Variants in ERC1 observed in about 807,000 individuals in gnomAD.
ERC1 encodes the protein RAB6 interacting protein 2.
Under a neutral mutation model 132.0 loss-of-function variants are expected in ERC1, and 56 were observed. The observed-to-expected ratio is 0.42, with a 90% confidence interval of 0.34 to 0.53. The LOEUF (loss-of-function observed/expected upper bound fraction) is 0.53, where lower values mean the gene tolerates loss of function less well. ERC1 is among the 20% of genes least tolerant of loss of function. ERC1 has a pLI of 0.03. For missense variants in ERC1, 1,202 were observed against 1,349.9 expected (o/e 0.89, Z 1.72); for synonymous variants, 478 against 476.1 (o/e 1.00, Z -0.05).
At chr12:1,261,118 C>T (rs74059716) in intron 13 of ERC1, among the ~76,000 whole-genome samples, 3,292 of 152,216 alleles carry the variant, frequency 0.022, 119 homozygotes, top group African/African-American at 0.075. Flanking sequence ...TTTATTGATA[C>T]AGCCACAAAG....
At chr12:1,082,022 T>C (rs999248805) in intron 2 of ERC1, among the ~76,000 whole-genome samples, 7 of 105,554 alleles carry the variant, frequency 6.6e-5, no homozygotes, top group African/African-American at 1.9e-4. Flanking sequence ...TGTCCTTCGG[T>C]TTTGCTTGTT....
intron 2 of ERC1, among the ~76,000 whole-genome samples, chr12:1,072,472 TGAG>T (rs34427758): frequency 0.23 from 34,477 of 148,698 alleles, 4,305 homozygotes; most frequent in Middle Eastern, 0.28. Context: ...TTAATTTTCT[TGAG>T]GAGCTCTTTT....
At chr12:1,195,296 C>T (rs1274968480) in intron 12 of ERC1, among the ~76,000 whole-genome samples, 2 of 152,202 alleles carry the variant, frequency 1.3e-5, no homozygotes, top group East Asian at 3.8e-4. Flanking sequence ...CCAGCCTCTG[C>T]AGATCTGAGA....
At position 1,122,483 on chromosome 12, in the gene ERC1, C is replaced by CTCTA. The variant is rs58095808; in HGVS notation, c.1569+6454_1569+6457dup. Among the ~76,000 whole-genome samples the CTCTA allele has an allele frequency of 1.4e-3, 30 of 20,744 alleles. 4 individuals are homozygous for CTCTA. In the East Asian group the frequency reaches 0.016, roughly 11 times the overall value. 13.6% of individuals were successfully genotyped at this position (20,744 alleles called of 152,430 possible). A position where few individuals can be genotyped will look rare whatever the true frequency, so the allele number is the denominator to read the frequency against. Reference sequence around the variant, plus strand: ...TCTCTATCTCTATCTGTGTCTCTATCTCTATCTCTATCTCTATCTCTATCT... The same window carrying CTCTA: ...TCTCTATCTCTATCTGTGTCTCTATCTCTATCTATCTCTATCTCTATCTCTATCT... On this transcript the variant is annotated intron_variant, in intron 7 of 18. Transcript: ENST00000360905.
chr12:1,442,847 T>G (rs1414612789), intron 17 of ERC1, among the ~76,000 whole-genome samples: 1 of 152,246 alleles, frequency 6.6e-6, no homozygotes, highest in Non-Finnish European at 1.5e-5. Context: ...CTGATTTATA[T>G]AAATTTATTA....
Position 1,453,979 on chromosome 12 carries a change from G to A in ERC1, c.3213+9229G>A, listed in dbSNP as rs558586303. ...AATGCTAATAGATGACTGGTGGCTG[G>A]GAGCTCTGGATGGAGACTGGTTACC... On this transcript the variant is annotated intron_variant, in intron 18 of 18. Coordinates refer to ENST00000360905, the MANE Select transcript of ERC1 (RefSeq NM_178040.4). Among the ~76,000 whole-genome samples the A allele has an allele frequency of 6.6e-5, 10 of 152,022 alleles. No homozygotes were observed. The South Asian group carries it at 2.1e-3, about 32-fold the overall frequency.
intron 16 of ERC1, among the ~76,000 whole-genome samples, chr12:1,377,162 AT>A (rs1403838123): frequency 7.9e-5 from 12 of 152,232 alleles, no homozygotes; most frequent in African/African-American, 2.2e-4. Flanking sequence ...TAGGTGTGGT[AT>A]GAAAAAATAC....
At chr12:1,161,651 G>C (rs544090164) in intron 8 of ERC1, among the ~76,000 whole-genome samples, 1 of 152,248 alleles carries the variant, frequency 6.6e-6, no homozygotes, top group South Asian at 2.1e-4. Context: ...AAAAACTGTA[G>C]AAATTTATCT....
At chr12:1,486,763 C>T (rs928241349) in intron 18 of ERC1, among the ~76,000 whole-genome samples, 2 of 152,076 alleles carry the variant, frequency 1.3e-5, no homozygotes, top group East Asian at 1.9e-4. Flanking sequence ...TTTTAAATTG[C>T]GGAAAACTCC....
intron 7 of ERC1, among the ~76,000 whole-genome samples, chr12:1,125,613 C>G (rs1948075026): frequency 6.6e-6 from 1 of 151,922 alleles, no homozygotes; most frequent in African/African-American, 2.4e-5. Flanking sequence ...GTCAGGAGTT[C>G]AAGACCAGCC....
intron 2 of ERC1, among the ~76,000 whole-genome samples, chr12:1,065,465 A>G (rs1938939433): frequency 1.0e-5 from 1 of 100,036 alleles, no homozygotes; most frequent in African/African-American, 3.9e-5. Context: ...TTGTTTTCCT[A>G]TTTCTTTGTA....
intron 13 of ERC1, among the ~76,000 whole-genome samples, chr12:1,261,379 C>T (rs1324721877): frequency 6.6e-6 from 1 of 152,186 alleles, no homozygotes; most frequent in South Asian, 2.1e-4. Context: ...CTTCTTTATA[C>T]TTACAGCAAT....
At chr12:1,094,742 C>T (rs1400067622) in intron 3 of ERC1, among the ~76,000 whole-genome samples, 1 of 152,080 alleles carries the variant, frequency 6.6e-6, no homozygotes, top group Non-Finnish European at 1.5e-5. Flanking sequence ...ATCATTTGTC[C>T]TTCATTTCCA....
At chr12:1,175,217 G>T (rs947086519) in intron 8 of ERC1, among the ~76,000 whole-genome samples, 4 of 152,112 alleles carry the variant, frequency 2.6e-5, no homozygotes, top group Non-Finnish European at 2.9e-5. Flanking sequence ...GGTGGCTGTG[G>T]CAGTTTCTTA....
intron 14 of ERC1, among the ~76,000 whole-genome samples, chr12:1,279,697 A>T (rs1447207145): frequency 1.2e-3 from 158 of 134,654 alleles, no homozygotes; most frequent in African/African-American, 2.8e-3. Flanking sequence ...TTATTTATTT[A>T]TTTTTTTTTG....
chr12:1,266,627 A>T (rs2077502381), intron 14 of ERC1, among the ~76,000 whole-genome samples: 1 of 149,608 alleles, frequency 6.7e-6, no homozygotes, highest in South Asian at 2.1e-4. Flanking sequence ...CTGGTCTCGA[A>T]CTCCTGACCT....
At chr12:1,371,007 C>T (rs897767849) in intron 15 of ERC1, among the ~76,000 whole-genome samples, 1 of 152,220 alleles carries the variant, frequency 6.6e-6, no homozygotes, top group African/African-American at 2.4e-5. Flanking sequence ...GCCACCACGC[C>T]TGGCCTGAAT....
chr12:1,142,724 A>T (rs1949967150), intron 8 of ERC1, among the ~76,000 whole-genome samples: 1 of 152,238 alleles, frequency 6.6e-6, no homozygotes, highest in Non-Finnish European at 1.5e-5. Context: ...CATTGTAAGT[A>T]AAGTCGAACA....
At chr12:1,112,528 G>T (rs1946003625) in intron 6 of ERC1, among the ~76,000 whole-genome samples, 1 of 152,166 alleles carries the variant, frequency 6.6e-6, no homozygotes, top group African/African-American at 2.4e-5. Flanking sequence ...CCTTGTACCT[G>T]GTACTTTATT....
Sources: allele counts gnomAD v4.1 joint callset (sites outside exome capture counted in the v4.1 genomes callset), GRCh38; gene constraint gnomAD v4.1.1; transcripts MANE v1.5; gene names NCBI Gene and HGNC (gene_info 2026-07-23, HGNC 2026-07-21).